Variants in FBXL20 observed in about 807,000 individuals in gnomAD.
FBXL20 encodes F-box and leucine rich repeat protein 20.
In FBXL20, 11 loss-of-function variants were observed where a neutral mutation model predicts 64.0. That is an observed-to-expected ratio of 0.17 (90% confidence interval 0.11 to 0.28). The LOEUF is 0.28. Among genes scored for constraint, FBXL20 ranks in the 10% least tolerant of loss-of-function variants. FBXL20 has a pLI of 1.00. For synonymous variants in FBXL20, 184 were observed against 189.0 expected (o/e 0.97, Z 0.22); for missense variants, 303 against 526.2 (o/e 0.58, Z 4.15).
intron 1 of FBXL20, among the ~76,000 whole-genome samples, chr17:39,368,933 G>C (rs1282728049): frequency 1.3e-5 from 2 of 152,048 alleles, no homozygotes; most frequent in Non-Finnish European, 2.9e-5. Flanking sequence ...CGGATTACAG[G>C]CATGAGCCAC....
At chr17:39,306,011 A>C (rs765918630) in intron 2 of FBXL20, among the ~76,000 whole-genome samples, 2 of 151,844 alleles carry the variant, frequency 1.3e-5, no homozygotes, top group Non-Finnish European at 2.9e-5. Context: ...ACAAAAAAAA[A>C]CAAAGTAGCC....
chr17:39,297,880 C>T (rs1597783214), intron 5 of FBXL20, among the ~76,000 whole-genome samples: 1 of 151,904 alleles, frequency 6.6e-6, no homozygotes, highest in African/African-American at 2.4e-5. Flanking sequence ...GAATTACAGG[C>T]ACGCACCACC....
rs549209489 is a variant in FBXL20 at position 39,304,206 on chromosome 17, T to C, written c.105-567A>G. On this transcript the variant is annotated intron_variant, in intron 2 of 14. Transcript: ENST00000264658. ...CTACACCAAAGGATAATAAATAATC[T>C]CTAGCTGGTTTTTTTAAAGTAAAAA... is the stretch of plus-strand genomic sequence containing the variant. Among the ~76,000 whole-genome samples the C allele has an allele frequency of 2.0e-5, 3 of 151,974 alleles. No individual in the cohort carries two copies. In the East Asian group the frequency reaches 5.8e-4, roughly 29 times the overall value.
intron 1 of FBXL20, among the ~76,000 whole-genome samples, chr17:39,363,834 C>CAAAAAAAAAAAA (rs113673962): frequency 1.7e-5 from 1 of 59,406 alleles, no homozygotes; most frequent in African/African-American, 7.8e-5. Context: ...AAACAAAAAA[C>CAAAAAAAAAAAA]AAAAAAAAAA....
intron 3 of FBXL20, among the ~76,000 whole-genome samples, chr17:39,301,802 TG>T (rs1466352061): frequency 6.6e-6 from 1 of 151,470 alleles, no homozygotes; most frequent in Non-Finnish European, 1.5e-5. Flanking sequence ...GAGGCTGAGG[TG>T]GGAGGTGAGC....
chr17:39,260,676 A>G lies in FBXL20; in HGVS notation c.*784T>C. The G allele has an allele frequency of 6.5e-6, 1 of 152,844 alleles. No individual in the cohort carries two copies. The allele number at this position is 152,844 out of a possible 1,614,324, so 9.5% of individuals were successfully genotyped here. ...ACTAATCATTCAAAATGCAAACTGTAAACACGACAACAGCAAAAGGGTAAC... is the reference window on the plus strand; with the variant it reads ...ACTAATCATTCAAAATGCAAACTGTGAACACGACAACAGCAAAAGGGTAAC... On this transcript the variant is annotated 3_prime_UTR_variant, in exon 15 of 15. Transcript: ENST00000264658.
chr17:39,261,593 G>A (rs927708435), intron 14 of FBXL20, 26 bp from the exon 15 acceptor site: 15 of 1,524,156 alleles, frequency 9.8e-6, no homozygotes, highest in East Asian at 2.3e-5. Flanking sequence ...AACATTAAAC[G>A]TTTAAGAGAG....
chr17:39,397,855 C>CAA, intron 1 of FBXL20, among the ~76,000 whole-genome samples: 2 of 140,236 alleles, frequency 1.4e-5, no homozygotes, highest in African/African-American at 5.1e-5. Flanking sequence ...ACAGTGGAGT[C>CAA]AAAAAAAAAA....
chr17:39,380,939 T>G (rs985024018), intron 1 of FBXL20, among the ~76,000 whole-genome samples: 2 of 151,458 alleles, frequency 1.3e-5, no homozygotes, highest in Admixed American at 1.3e-4. Flanking sequence ...GCCGGTGGAT[T>G]GCCTAAGGTC....
intron 1 of FBXL20, among the ~76,000 whole-genome samples, chr17:39,371,664 CTTTTTTT>C (rs76801256): frequency 7.0e-6 from 1 of 143,170 alleles, no homozygotes; most frequent in African/African-American, 2.6e-5. Flanking sequence ...TTACTTTTTT[CTTTTTTT>C]TTTTTTTGAG....
chr17:39,343,093 T>C (rs2047598393), intron 2 of FBXL20, 87 bp downstream of exon 2: 1 of 927,018 alleles, frequency 1.1e-6, no homozygotes, highest in Middle Eastern at 3.0e-4. Context: ...TATACATATA[T>C]GAAAATTAGC....
chr17:39,383,384 G>A (rs12945363), intron 1 of FBXL20, among the ~76,000 whole-genome samples: 7,883 of 151,936 alleles, frequency 0.052, 665 homozygotes, highest in African/African-American at 0.18. Flanking sequence ...ATTTTGGAAG[G>A]CTGAGGTGGG....
At chr17:39,394,850 T>C (rs750097368) in intron 1 of FBXL20, among the ~76,000 whole-genome samples, 1 of 152,156 alleles carries the variant, frequency 6.6e-6, no homozygotes, top group Non-Finnish European at 1.5e-5. Context: ...CGAGCCACTG[T>C]GCCTGGCCAG....
chr17:39,290,073 TTTC>T (rs1470855277), intron 6 of FBXL20, among the ~76,000 whole-genome samples: 3 of 151,282 alleles, frequency 2.0e-5, no homozygotes, highest in Non-Finnish European at 4.4e-5. Context: ...TTTTTAAAAT[TTTC>T]TTTTCTCTAA....
intron 6 of FBXL20, among the ~76,000 whole-genome samples, chr17:39,293,833 T>TA (rs1357595697): frequency 6.6e-6 from 1 of 151,822 alleles, no homozygotes; most frequent in African/African-American, 2.4e-5. Flanking sequence ...AGCCTTTATT[T>TA]TTTTTTTTTA....
At chr17:39,323,811 C>T (rs941395383) in intron 2 of FBXL20, among the ~76,000 whole-genome samples, 3 of 149,294 alleles carry the variant, frequency 2.0e-5, no homozygotes, top group East Asian at 3.9e-4. Flanking sequence ...CTCGCTCTGT[C>T]GCCCAGGCTG....
chr17:39,336,641 T>C (rs1335494224), intron 2 of FBXL20, among the ~76,000 whole-genome samples: 4 of 151,966 alleles, frequency 2.6e-5, no homozygotes, highest in Non-Finnish European at 4.4e-5. Flanking sequence ...CTGGCCAACA[T>C]GGTGAAACCC....
intron 1 of FBXL20, among the ~76,000 whole-genome samples, chr17:39,360,022 G>A (rs143872447): frequency 1.0e-3 from 157 of 152,060 alleles, no homozygotes; most frequent in Non-Finnish European, 1.7e-3. Context: ...TTAAAATTAT[G>A]TTGTTTTATG....
chr17:39,388,403 G>A (rs2048102090), intron 1 of FBXL20, among the ~76,000 whole-genome samples: 1 of 151,576 alleles, frequency 6.6e-6, no homozygotes, highest in Non-Finnish European at 1.5e-5. Context: ...AGGTTGCAGT[G>A]AGCCAAGATC....
Sources: gnomAD v4.1 joint callset for allele counts (sites outside exome capture counted in the v4.1 genomes callset) on GRCh38, gnomAD v4.1.1 for gene constraint, MANE v1.5 for transcripts, NCBI Gene and HGNC (gene_info 2026-07-23, HGNC 2026-07-21) for gene names.